PTP4A1: variants seen among roughly 807,000 people sequenced by gnomAD.
The protein encoded by PTP4A1 is protein tyrosine phosphatase 4A1.
A neutral mutation model predicts 20.5 loss-of-function variants in PTP4A1; 9 were observed. That is an observed-to-expected ratio of 0.44 (90% confidence interval 0.26 to 0.77). The LOEUF (loss-of-function observed/expected upper bound fraction) is 0.77. PTP4A1 is among the 30% of genes least tolerant of loss of function. The pLI, the probability that PTP4A1 is intolerant of heterozygous loss-of-function variation, is 0.19. For missense variants in PTP4A1, 137 were observed against 218.8 expected (o/e 0.63, Z 2.36); for synonymous variants, 78 against 67.4 (o/e 1.16, Z -0.77).
intron 1 of PTP4A1, among the ~76,000 whole-genome samples, chr6:63,526,710 C>T (rs911875348): frequency 1.3e-5 from 2 of 149,382 alleles, no homozygotes; most frequent in African/African-American, 2.5e-5. Flanking sequence ...CCGGAGGCTG[C>T]ATTTCTTGAA....
chr6:63,543,523 GAAT>G (rs1187139383), intron 2 of PTP4A1, among the ~76,000 whole-genome samples: 1 of 152,150 alleles, frequency 6.6e-6, no homozygotes, highest in African/African-American at 2.4e-5. Flanking sequence ...CTGACAGGAA[GAAT>G]AATAATTGTT....
chr6:63,568,776 A>G (rs1777293216), upstream of PTP4A1, among the ~76,000 whole-genome samples: 3 of 152,310 alleles, frequency 2.0e-5, no homozygotes, highest in South Asian at 6.2e-4. Flanking sequence ...CTGTTCTAAA[A>G]CAGCAAGAGG....
rs536080435 is a variant in PTP4A1, at chr6:63,581,541, A to G, written c.*1367A>G. The G allele has an allele frequency of 2.0e-5, 3 of 152,452 alleles. No individual in the cohort carries two copies. In the South Asian group the frequency reaches 6.2e-4, roughly 32 times the overall value. 9.4% of individuals were successfully genotyped at this position (152,452 alleles called of 1,614,324 possible). On this transcript the variant is annotated 3_prime_UTR_variant, in exon 6 of 6. Transcript: ENST00000626021. ...ACTTAATGTGTGTCCTCATCTTTTT[A>G]CAAATAAATGAAGGATTATAAATGA...
chr6:63,569,216 C>A (rs1360551381), upstream of PTP4A1, among the ~76,000 whole-genome samples: 2 of 152,198 alleles, frequency 1.3e-5, no homozygotes, highest in African/African-American at 2.4e-5. Context: ...CCTCTGCACT[C>A]TTGCCTTCTG....
At chr6:63,524,678 G>C (rs903344586) in intron 1 of PTP4A1, among the ~76,000 whole-genome samples, 1 of 152,144 alleles carries the variant, frequency 6.6e-6, no homozygotes, top group African/African-American at 2.4e-5. Context: ...AAGCAAAAGA[G>C]AAATGCAAAG....
intron 2 of PTP4A1, among the ~76,000 whole-genome samples, chr6:63,534,101 T>TA (rs763441809): frequency 2.0e-5 from 3 of 152,050 alleles, no homozygotes; most frequent in Non-Finnish European, 4.4e-5. Flanking sequence ...CCTTGACCTA[T>TA]CAAAGTACTG....
Position 63,582,410 on chromosome 6 carries a change from T to A in PTP4A1, c.*2236T>A, listed in dbSNP as rs1473902550. The A allele has an allele frequency of 1.3e-5, 2 of 152,568 alleles. No homozygotes were observed. Among genetic ancestry groups the A allele is most frequent in the South Asian group, 4.1e-4 (2 of 4,838 alleles). The allele number at this position is 152,568 out of a possible 1,614,324, so 9.5% of individuals were successfully genotyped here. A position where few individuals can be genotyped will look rare whatever the true frequency, so the allele number is the denominator to read the frequency against. ...ATATATGGTGCTAAAAATAAATTAATTTACTTTATAAACCTTATCTGTACA... is the reference window on the plus strand; with the variant it reads ...ATATATGGTGCTAAAAATAAATTAAATTACTTTATAAACCTTATCTGTACA... On this transcript the variant is annotated 3_prime_UTR_variant, in exon 6 of 6. Coordinates refer to ENST00000626021, the MANE Select transcript of PTP4A1 (RefSeq NM_003463.5).
At chr6:63,579,375 CTTG>C in intron 5 of PTP4A1, 44 bp downstream of exon 5, 3 of 1,446,712 alleles carry the variant, frequency 2.1e-6, no homozygotes, top group Non-Finnish European at 1.9e-6. Context: ...CTTTCATTTC[CTTG>C]TTGAGTGTCA....
At chr6:63,532,211 A>C (rs959895278) in intron 2 of PTP4A1, among the ~76,000 whole-genome samples, 1 of 152,262 alleles carries the variant, frequency 6.6e-6, no homozygotes, top group Non-Finnish European at 1.5e-5. Flanking sequence ...TGAAATTGTT[A>C]CTGAAATTTT....
At chr6:63,540,266 TAGA>T (rs796987924) in intron 2 of PTP4A1, among the ~76,000 whole-genome samples, 8 of 126,964 alleles carry the variant, frequency 6.3e-5, no homozygotes, top group Admixed American at 6.2e-4. Context: ...CAGATGTATA[TAGA>T]ATCATAGATA....
At chr6:63,561,909 G>T (rs1030854427) in intron 3 of PTP4A1, among the ~76,000 whole-genome samples, 1 of 152,190 alleles carries the variant, frequency 6.6e-6, no homozygotes, top group Non-Finnish European at 1.5e-5. Flanking sequence ...CTCTGCTGCA[G>T]AGAGTACAAT....
In PTP4A1 at chr6:63,522,861, ACT is replaced by A. The variant is rs1491353511; in HGVS notation, c.-906+1036_-906+1037del. On this transcript the variant is annotated intron_variant, in intron 1 of 3. Transcript: ENST00000639568. ...ATGATCCCCTTTATAAGACTAAATC[ACT>A]TTTTTTTTTTTTTTTTTTTGAGACA... 6.0e-5 allele frequency among the ~76,000 whole-genome samples: 8 copies of A among 132,524 alleles called. No homozygotes were observed. In the Admixed American group the frequency reaches 6.6e-4, roughly 11 times the overall value. 86.9% of individuals were successfully genotyped at this position (132,524 alleles called of 152,430 possible). A position where few individuals can be genotyped will look rare whatever the true frequency, so the allele number is the denominator to read the frequency against.
At chr6:63,525,703 T>TC (rs1387195083) in intron 1 of PTP4A1, among the ~76,000 whole-genome samples, 1 of 152,020 alleles carries the variant, frequency 6.6e-6, no homozygotes, top group African/African-American at 2.4e-5. Flanking sequence ...CTTTCACCTT[T>TC]CCCCCCAGGC....
chr6:63,548,498 T>C (rs1194281315), intron 2 of PTP4A1, among the ~76,000 whole-genome samples: 1 of 152,210 alleles, frequency 6.6e-6, no homozygotes, highest in Non-Finnish European at 1.5e-5. Flanking sequence ...GTCTCCATCG[T>C]AGCAGCCTGT....
intron 3 of PTP4A1, among the ~76,000 whole-genome samples, chr6:63,557,483 C>CATAT (rs753422347): frequency 2.0e-5 from 3 of 150,280 alleles, no homozygotes; most frequent in African/African-American, 7.3e-5. Context: ...AGAACTGCTC[C>CATAT]ATATATATAT....
intron 3 of PTP4A1, among the ~76,000 whole-genome samples, chr6:63,561,787 A>G (rs1204315061): frequency 6.6e-6 from 1 of 152,238 alleles, no homozygotes; most frequent in African/African-American, 2.4e-5. Flanking sequence ...ACAAATACAC[A>G]TTGAAAGTAA....
chr6:63,517,387 T>A (rs562362488), upstream of PTP4A1, among the ~76,000 whole-genome samples: 4 of 152,284 alleles, frequency 2.6e-5, no homozygotes, highest in East Asian at 7.7e-4. Context: ...CATATTTTCT[T>A]ACACCAAGTG....
intron 1 of PTP4A1, among the ~76,000 whole-genome samples, chr6:63,575,836 G>A (rs1053955077): frequency 1.3e-5 from 2 of 152,068 alleles, no homozygotes; most frequent in Admixed American, 1.3e-4. Flanking sequence ...TAAGGATAAA[G>A]TGAGATTCTA....
intron 3 of PTP4A1, among the ~76,000 whole-genome samples, chr6:63,553,664 T>C (rs558380226): frequency 4.6e-5 from 7 of 152,216 alleles, no homozygotes; most frequent in Non-Finnish European, 7.3e-5. Flanking sequence ...ATTGATTGCA[T>C]TATCACTGAT....
Sources: gnomAD v4.1 joint callset for allele counts (sites outside exome capture counted in the v4.1 genomes callset) on GRCh38, gnomAD v4.1.1 for gene constraint, MANE v1.5 for transcripts, NCBI Gene and HGNC (gene_info 2026-07-23, HGNC 2026-07-21) for gene names.